Variants in DCBLD2 observed in about 807,000 individuals in gnomAD.
The protein encoded by DCBLD2 is discoidin, CUB and LCCL domain-containing protein 2.
A neutral mutation model predicts 86.8 loss-of-function variants in DCBLD2; 54 were observed. The ratio of observed to expected loss-of-function variants is 0.62; its 90% CI spans 0.50 to 0.78. The LOEUF (loss-of-function observed/expected upper bound fraction) is 0.78, where lower values mean the gene tolerates loss of function less well. Among genes scored for constraint, DCBLD2 ranks in the 30% least tolerant of loss-of-function variants. The probability of loss-of-function intolerance (pLI) is 0.00; values close to 1 mark genes in which losing one functional copy is unlikely to be tolerated. For synonymous variants in DCBLD2, 354 were observed against 341.3 expected, an observed-to-expected ratio of 1.04 and a Z score of -0.41; for missense variants, 908 against 954.2, an observed-to-expected ratio of 0.95 and a Z score of 0.64.
chr3:98,864,426 T>G (rs1368957490), intron 2 of DCBLD2, among the ~76,000 whole-genome samples: 1 of 152,178 alleles, frequency 6.6e-6, no homozygotes, highest in Non-Finnish European at 1.5e-5. Context: ...GTGGCACTAT[T>G]CACAATAGCA....
intron 2 of DCBLD2, among the ~76,000 whole-genome samples, chr3:98,869,641 C>T (rs563590794): frequency 9.2e-5 from 14 of 152,282 alleles, no homozygotes; most frequent in East Asian, 1.9e-4. Context: ...TACATAAACA[C>T]GTTCTTTGAG....
intron 2 of DCBLD2, among the ~76,000 whole-genome samples, chr3:98,871,037 C>CT (rs1943274464): frequency 9.5e-5 from 14 of 147,156 alleles, no homozygotes; most frequent in African/African-American, 3.2e-4. Flanking sequence ...TTTTTTTTTC[C>CT]TTTTTTTGCA....
chr3:98,879,127 T>A (rs955048086), intron 2 of DCBLD2, among the ~76,000 whole-genome samples: 1 of 152,204 alleles, frequency 6.6e-6, no homozygotes, highest in African/African-American at 2.4e-5. Context: ...CTTTTCTTTA[T>A]AGGAATTTTC....
chr3:98,818,926 C>A (rs1942069238), intron 8 of DCBLD2, among the ~76,000 whole-genome samples: 2 of 152,200 alleles, frequency 1.3e-5, no homozygotes, highest in African/African-American at 4.8e-5. Context: ...ACTTTGTGAT[C>A]ATGTGAGTCG....
rs568941415 is a variant in DCBLD2, at chr3:98,862,956, G to C, written c.434-13358C>G. ...GTCCCTGTTTGCAGATGACATGATT[G>C]TATATTTAGAAAACCCCATCATCTA... On this transcript the variant is annotated intron_variant, in intron 2 of 15. Coordinates refer to ENST00000326840, the MANE Select transcript of DCBLD2 (RefSeq NM_080927.4). Among the ~76,000 whole-genome samples, 8 of 152,288 alleles carry C rather than the reference G, an allele frequency of 5.3e-5. No individual in the cohort carries two copies. The South Asian group carries it at 1.5e-3, about 28-fold the overall frequency.
chr3:98,802,466 A>G (rs1461641939), intron 13 of DCBLD2, among the ~76,000 whole-genome samples: 1 of 152,002 alleles, frequency 6.6e-6, no homozygotes, highest in African/African-American at 2.4e-5. Context: ...CCTTTGTCAG[A>G]TGAGTAGATT....
chr3:98,803,898 C>T (rs1465267819), intron 13 of DCBLD2, among the ~76,000 whole-genome samples: 1 of 152,196 alleles, frequency 6.6e-6, no homozygotes, highest in Non-Finnish European at 1.5e-5. Flanking sequence ...ATGAAGCCCA[C>T]TTGATCACAG....
chr3:98,881,477 C>CA (rs770601724), intron 2 of DCBLD2, 63 bp downstream of exon 2: 247 of 1,440,902 alleles, frequency 1.7e-4, no homozygotes, highest in Admixed American at 2.7e-4. Context: ...ATGTTAATAT[C>CA]AAAAAAATAC....
intron 3 of DCBLD2, among the ~76,000 whole-genome samples, chr3:98,841,926 A>T (rs1471291248): frequency 1.3e-5 from 2 of 152,210 alleles, no homozygotes; most frequent in East Asian, 3.9e-4. Flanking sequence ...TTAGCCGGGC[A>T]TGGTGGCGTG....
At chr3:98,855,714 T>C (rs918913221) in intron 2 of DCBLD2, among the ~76,000 whole-genome samples, 1 of 152,226 alleles carries the variant, frequency 6.6e-6, no homozygotes, top group Non-Finnish European at 1.5e-5. Context: ...ACGGTCTTGA[T>C]AGAAAAATTT....
chr3:98,896,219 G>A, intron 1 of DCBLD2, among the ~76,000 whole-genome samples: 1 of 152,188 alleles, frequency 6.6e-6, no homozygotes, highest in Admixed American at 6.5e-5. Flanking sequence ...GTACTGCACT[G>A]GCACTCATTA....
chr3:98,803,101 T>C (rs945350518), intron 13 of DCBLD2, among the ~76,000 whole-genome samples: 3 of 152,222 alleles, frequency 2.0e-5, no homozygotes, highest in African/African-American at 7.2e-5. Flanking sequence ...CATTGGTAGC[T>C]TGATGGGGAT....
At chr3:98,898,856 C>T (rs1227821746) in intron 1 of DCBLD2, among the ~76,000 whole-genome samples, 7 of 152,034 alleles carry the variant, frequency 4.6e-5, no homozygotes, top group Admixed American at 4.6e-4. Flanking sequence ...ATGATGTATA[C>T]CTAATTAGCT....
rs1184263361 is a variant in DCBLD2, at chr3:98,799,522, G to C, written c.2178C>G (p.Ser726=). The C allele has an allele frequency of 6.2e-7, 1 of 1,614,000 alleles. No homozygotes were observed. Among genetic ancestry groups the C allele is most frequent in the Admixed American group, 1.7e-5 (1 of 60,024 alleles). Residue 726 remains serine, a synonymous_variant, in exon 16 of 16, where the codon TCC becomes TCG. Transcript: ENST00000326840. Reference sequence around the variant, plus strand: ...GGGTATCATACTGGGCCTGGGCTGAGGAGCAGCTGTCAGTCCTGGAGAGAA... The same window carrying C: ...GGGTATCATACTGGGCCTGGGCTGACGAGCAGCTGTCAGTCCTGGAGAGAA... ...NTLLSRTDSC[S]SAQAQYDTPK... is the part of the protein sequence containing the mutation.
In DCBLD2 at chr3:98,869,101, T is replaced by C. The variant is rs905949255; in HGVS notation, c.433+12439A>G. ...TCACCAACAGTGTATAAGTGTTCCC[T>C]GTCTGCGCCAACATCTATTGTTTTT... On this transcript the variant is annotated intron_variant, in intron 2 of 15. Coordinates refer to ENST00000326840, the MANE Select transcript of DCBLD2 (RefSeq NM_080927.4). 2.0e-5 allele frequency among the ~76,000 whole-genome samples: 3 copies of C among 152,160 alleles called. No individual in the cohort carries two copies. In the East Asian group the frequency reaches 5.8e-4, roughly 29 times the overall value.
intron 1 of DCBLD2, among the ~76,000 whole-genome samples, chr3:98,897,504 C>T (rs2107535495): frequency 6.6e-6 from 1 of 152,180 alleles, no homozygotes; most frequent in African/African-American, 2.4e-5. Context: ...AAAATAATTA[C>T]AAATGTTTAT....
In DCBLD2 at chr3:98,799,715, A is replaced by G. The variant is rs766086260; in HGVS notation, c.1985T>C (p.Val662Ala). Residue 662 changes from valine (V) to alanine (A), a missense_variant, in exon 16 of 16, where the codon GTT becomes GCT. By Grantham distance (64) the Val-to-Ala change is moderately conservative. Coordinates refer to ENST00000326840, the MANE Select transcript of DCBLD2 (RefSeq NM_080927.4). ...GAGTGGTTCAGCATAGGCATGATAAACTTCCTGCCCTGGTGAGTTGTAAGG... is the reference window on the plus strand; with the variant it reads ...GAGTGGTTCAGCATAGGCATGATAAGCTTCCTGCCCTGGTGAGTTGTAAGG... The part of the protein sequence containing the change: ...LDPYNSPGQE[V>A]YHAYAEPLPI... The G allele has an allele frequency of 6.2e-7, 1 of 1,613,864 alleles. No homozygotes were observed. The highest frequency in any genetic ancestry group is 1.1e-5 in the South Asian group (1 of 91,072).
intron 5 of DCBLD2, 92 bp from the exon 6 acceptor site, chr3:98,822,453 A>G (rs1368224218): frequency 1.3e-5 from 19 of 1,464,906 alleles, no homozygotes; most frequent in Non-Finnish European, 1.7e-5. Context: ...CAGTTAATCT[A>G]GGCAGTTTCT....
chr3:98,844,989 C>G (rs929330646), intron 3 of DCBLD2, among the ~76,000 whole-genome samples: 1 of 152,224 alleles, frequency 6.6e-6, no homozygotes, highest in African/African-American at 2.4e-5. Context: ...GTGGCTGCTT[C>G]TGTGGAACAG....
Sources: allele counts gnomAD v4.1 joint callset (sites outside exome capture counted in the v4.1 genomes callset), GRCh38; gene constraint gnomAD v4.1.1; transcripts MANE v1.5; gene names NCBI Gene and HGNC (gene_info 2026-07-23, HGNC 2026-07-21).